LRRN3: variants seen among roughly 807,000 people sequenced by gnomAD.
The protein encoded by LRRN3 is leucine rich repeat neuronal 3, also known as leucine-rich repeat neuronal protein 3.
LRRN3 carries 15 observed loss-of-function variants against 40.1 expected under a neutral mutation model. The observed-to-expected ratio is 0.37, with a 90% CI of 0.25 to 0.58. The LOEUF (loss-of-function observed/expected upper bound fraction) is 0.58. Ranked by LOEUF, LRRN3 falls within the 20% of genes least tolerant of loss-of-function variation. The probability of loss-of-function intolerance (pLI) is 0.72; values close to 1 mark genes in which losing one functional copy is unlikely to be tolerated. For synonymous variants in LRRN3, 308 were observed against 297.2 expected (o/e 1.04, Z -0.37); for missense variants, 746 against 837.7 (o/e 0.89, Z 1.35).
chr7:111,107,030 A>G (rs772943872), intron 2 of LRRN3, among the ~76,000 whole-genome samples: 2 of 151,994 alleles, frequency 1.3e-5, no homozygotes, highest in Non-Finnish European at 2.9e-5. Flanking sequence ...GAAAACAATC[A>G]AAGTTTCTAT....
In LRRN3 at chr7:111,122,393, T is replaced by C. The variant is rs190112422; in HGVS notation, c.-358-22T>C. On this transcript the variant is annotated intron_variant, in intron 2 of 2. Transcript: ENST00000308478. ...AATTATTGTTCTCTTTTTTCTTTCA[T>C]ATTTCATTTTATTACATTTAGCATC... 1.9e-3 allele frequency: 305 copies of C among 163,234 alleles called. 3 individuals carry two copies. The highest frequency in any genetic ancestry group is 7.0e-3 in the African/African-American group (295 of 42,058). 10.1% of individuals were successfully genotyped at this position (163,234 alleles called of 1,614,324 possible).
chr7:111,123,767 G>C lies in LRRN3; in HGVS notation c.995G>C (p.Arg332Thr). The change falls in exon 3 of 3, where the codon AGA (arginine) becomes ACA (threonine). Residue 332 changes from arginine to threonine, a missense_variant. Coordinates refer to ENST00000308478, the MANE Select transcript of LRRN3 (RefSeq NM_001099658.2). The surrounding 1 kb of genome is among the most constrained non-coding windows in gnomAD (Gnocchi z 6.4). ...TACATTCACCCCAATGCATTTTTCAGACTCCCCAAGCTGGAATCACTCATG... is the reference window on the plus strand; with the variant it reads ...TACATTCACCCCAATGCATTTTTCACACTCCCCAAGCTGGAATCACTCATG... Reference protein sequence around the residue: ...LSYIHPNAFFRLPKLESLMLN... With the variant: ...LSYIHPNAFFTLPKLESLMLN... 6.2e-7 allele frequency: 1 copy of C among 1,613,842 alleles called. No homozygotes were observed. The highest frequency in any genetic ancestry group is 8.5e-7 in the Non-Finnish European group (1 of 1,179,942).
chr7:111,107,322 C>G (rs1798660639), intron 2 of LRRN3, among the ~76,000 whole-genome samples: 1 of 151,882 alleles, frequency 6.6e-6, no homozygotes, highest in Non-Finnish European at 1.5e-5. Context: ...ATTACAACGC[C>G]AGCCCTACAG....
chr7:111,124,373 C>T lies in LRRN3; in HGVS notation c.1601C>T (p.Ala534Val). The T allele has an allele frequency of 6.2e-7, 1 of 1,613,628 alleles. No homozygotes were observed. Among genetic ancestry groups the T allele is most frequent in the Non-Finnish European group, 8.5e-7 (1 of 1,179,886 alleles). Reference sequence around the variant, plus strand: ...AATATTAAAATAAGAGATATTCAGGCCAATTCAGTTTTGGTGTCCTGGAAA... The same window carrying T: ...AATATTAAAATAAGAGATATTCAGGTCAATTCAGTTTTGGTGTCCTGGAAA... The part of the protein sequence containing the change: ...SLNIKIRDIQ[A>V]NSVLVSWKAS... Residue 534 changes from alanine (A) to valine (V), a missense_variant, in exon 3 of 3, where the codon GCC becomes GTC. Ala to Val is a moderately conservative substitution (Grantham distance 64, BLOSUM62 0). Transcript: ENST00000308478.
At chr7:111,118,640 C>G (rs944838915) in intron 2 of LRRN3, among the ~76,000 whole-genome samples, 1 of 151,990 alleles carries the variant, frequency 6.6e-6, no homozygotes, top group Non-Finnish European at 1.5e-5. Flanking sequence ...TAAGAAAAGG[C>G]TTTGAAAACT....
intron 2 of LRRN3, among the ~76,000 whole-genome samples, chr7:111,109,026 A>C (rs1798872470): frequency 6.6e-6 from 1 of 152,208 alleles, no homozygotes; most frequent in African/African-American, 2.4e-5. Flanking sequence ...AATAAACAAA[A>C]AGCAAATAAT....
Position 111,123,623 on chromosome 7 carries a change from T to C in LRRN3, c.851T>C (p.Leu284Pro), listed in dbSNP as rs1392674613. ...CGAAGGGGTGATTTTAGCAATATGC[T>C]ACACTTAAAAGAGTTGGGGATAAAT... ...RIRRGDFSNM[L>P]HLKELGINNM... Residue 284 changes from leucine to proline, a missense_variant, in exon 3 of 3, where the codon CTA becomes CCA. Transcript: ENST00000308478. The surrounding 1 kb of genome is among the most constrained non-coding windows in gnomAD (Gnocchi z 6.4). 1.9e-6 allele frequency: 3 copies of C among 1,613,774 alleles called. No individual in the cohort carries two copies. The highest frequency in any genetic ancestry group is 1.7e-5 in the Admixed American group (1 of 59,934).
chr7:111,104,633 C>T (rs181566757), intron 2 of LRRN3, among the ~76,000 whole-genome samples: 119 of 151,620 alleles, frequency 7.8e-4, no homozygotes, highest in African/African-American at 2.6e-3. Flanking sequence ...CTTTTTGATT[C>T]GGGGAGCAAA....
At chr7:111,111,640 A>C (rs2129583783) in intron 2 of LRRN3, among the ~76,000 whole-genome samples, 1 of 152,186 alleles carries the variant, frequency 6.6e-6, no homozygotes, top group Middle Eastern at 3.4e-3. Context: ...GAACAGAAAT[A>C]ATGTGAATCA....
chr7:111,103,490 A>G (rs2129580691), intron 2 of LRRN3, among the ~76,000 whole-genome samples: 1 of 151,832 alleles, frequency 6.6e-6, no homozygotes, highest in Admixed American at 6.6e-5. Context: ...CATTTTTAGA[A>G]TTATTTTCAC....
In LRRN3 at chr7:111,124,927, A is replaced by AT; in HGVS notation, c.*29dup. 4 of 1,382,460 alleles carry AT rather than the reference A, an allele frequency of 2.9e-6. No homozygotes were observed. The highest frequency in any genetic ancestry group is 3.9e-6 in the Non-Finnish European group (4 of 1,025,656). The allele number at this position is 1,382,460 out of a possible 1,614,324, so 85.6% of individuals were successfully genotyped here. A position where few individuals can be genotyped will look rare whatever the true frequency, so the allele number is the denominator to read the frequency against. On this transcript the variant is annotated 3_prime_UTR_variant, in exon 3 of 3. Coordinates refer to ENST00000308478, the MANE Select transcript of LRRN3 (RefSeq NM_001099658.2). ...ACCACCAAGGAAACCTACTCCAAAAATGAACAAAAAAAAAAAAAGCGAAAG... is the reference window on the plus strand; with the variant it reads ...ACCACCAAGGAAACCTACTCCAAAAATTGAACAAAAAAAAAAAAAGCGAAAG...
chr7:111,106,402 A>G, intron 2 of LRRN3, among the ~76,000 whole-genome samples: 1 of 151,942 alleles, frequency 6.6e-6, no homozygotes, highest in East Asian at 1.9e-4. Context: ...AATAATAGAA[A>G]TCTCTTCTCT....
At chr7:111,097,317 C>G (rs1330839360) in intron 1 of LRRN3, 1 of 151,840 alleles carries the variant, frequency 6.6e-6, no homozygotes, top group Non-Finnish European at 1.5e-5. Flanking sequence ...ACAACACTTA[C>G]AAGTGACATG....
intron 2 of LRRN3, among the ~76,000 whole-genome samples, chr7:111,108,498 C>A (rs1438073017): frequency 1.3e-5 from 2 of 152,048 alleles, no homozygotes; most frequent in Non-Finnish European, 2.9e-5. Context: ...CAATTGAAAA[C>A]TATATCTCAA....
Position 111,124,623 on chromosome 7 carries a change from T to A in LRRN3, c.1851T>A (p.Asp617Glu), listed in dbSNP as rs1801070592. The change falls in exon 3 of 3, where the codon GAT becomes GAA. Residue 617 changes from aspartate to glutamate, a missense_variant. Coordinates refer to ENST00000308478, the MANE Select transcript of LRRN3 (RefSeq NM_001099658.2). ...TCACCACCAAAGGTTTGCACCCTGA[T>A]CAAAAAGAGTATGAAAAGAATAATA... ...VNVTTKGLHP[D>E]QKEYEKNNTT... is the part of the protein sequence containing the mutation. The A allele has an allele frequency of 3.1e-6, 5 of 1,613,720 alleles. No homozygotes were observed. Among genetic ancestry groups the A allele is most frequent in the East Asian group, 4.5e-5 (2 of 44,840 alleles).
In LRRN3 at chr7:111,122,625, T is replaced by C; in HGVS notation, c.-148T>C. On this transcript the variant is annotated 5_prime_UTR_variant, in exon 3 of 3. Coordinates refer to ENST00000308478, the MANE Select transcript of LRRN3 (RefSeq NM_001099658.2). ...AATGCAATTGTGGCACTGGCACTTA[T>C]TTCAGTGAAGAAAAACTTTGTGGTT... is the stretch of plus-strand genomic sequence containing the variant. 4 of 637,654 alleles carry C rather than the reference T, an allele frequency of 6.3e-6. No homozygotes were observed. The highest frequency in any genetic ancestry group is 6.3e-5 in the South Asian group (3 of 47,976). 39.5% of individuals were successfully genotyped at this position (637,654 alleles called of 1,614,324 possible). A position where few individuals can be genotyped will look rare whatever the true frequency, so the allele number is the denominator to read the frequency against.
At chr7:111,096,592 T>C (rs552873371) in intron 1 of LRRN3, among the ~76,000 whole-genome samples, 1 of 151,284 alleles carries the variant, frequency 6.6e-6, no homozygotes, top group South Asian at 2.1e-4. Context: ...TACTCATCCA[T>C]ATGTTTGTCT....
intron 2 of LRRN3, among the ~76,000 whole-genome samples, chr7:111,116,789 A>G (rs1012098755): frequency 6.6e-6 from 1 of 152,174 alleles, no homozygotes; most frequent in Non-Finnish European, 1.5e-5. Flanking sequence ...CAATAATAAC[A>G]AAAAAGGCAG....
At chr7:111,119,819 G>A (rs1432009380) in intron 2 of LRRN3, among the ~76,000 whole-genome samples, 1 of 152,168 alleles carries the variant, frequency 6.6e-6, no homozygotes, top group South Asian at 2.1e-4. Context: ...AGTGCCTGGT[G>A]AAGGAAAGGA....
Sources: allele counts gnomAD v4.1 joint callset (sites outside exome capture counted in the v4.1 genomes callset), GRCh38; gene constraint gnomAD v4.1.1; non-coding constraint Gnocchi (gnomAD v3.1); transcripts MANE v1.5; gene names NCBI Gene and HGNC (gene_info 2026-07-23, HGNC 2026-07-21).